The following HLCS variants were observed in gnomAD, a reference collection of about 807,000 sequenced individuals.
HLCS encodes biotin--protein ligase.
Under a neutral mutation model 75.0 loss-of-function variants are expected in HLCS, and 53 were observed. The ratio of observed to expected loss-of-function variants is 0.71; its 90% CI spans 0.57 to 0.89. The LOEUF is 0.89. Ranked by LOEUF, HLCS falls within the 40% of genes least tolerant of loss-of-function variation. The pLI is 0.00. For missense variants in HLCS, 966 were observed against 1,074.0 expected (o/e 0.90, Z 1.41); for synonymous variants, 431 against 428.6 (o/e 1.01, Z -0.07).
intron 4 of HLCS, among the ~76,000 whole-genome samples, chr21:36,932,656 T>C (rs990806606): frequency 4.6e-5 from 7 of 152,348 alleles, no homozygotes; most frequent in African/African-American, 1.7e-4. Context: ...AAAAGCAAAC[T>C]GAGCTCGTCT....
intron 6 of HLCS, among the ~76,000 whole-genome samples, chr21:36,866,840 G>T (rs997482616): frequency 2.3e-4 from 31 of 136,042 alleles, no homozygotes; most frequent in African/African-American, 7.7e-4. Context: ...AATTTGAGTA[G>T]TTTTTTTTTT....
At chr21:36,851,008 G>A (rs2062984075) in intron 6 of HLCS, among the ~76,000 whole-genome samples, 1 of 152,160 alleles carries the variant, frequency 6.6e-6, no homozygotes, top group South Asian at 2.1e-4. Context: ...GGCAGGGTGG[G>A]TTAGGAACTG....
At position 36,796,547 on chromosome 21, in the gene HLCS, G is replaced by A. The variant is rs543846388; in HGVS notation, c.1893-29262C>T. On this transcript the variant is annotated intron_variant, in intron 6 of 10. Transcript: ENST00000674895. ...TAAGCAGGGCCCACGAGAGCTGTGA[G>A]GAACCAGGACTCGGATAATCCAGGG... Among the ~76,000 whole-genome samples the A allele has an allele frequency of 7.0e-4, 107 of 152,160 alleles. 1 individual carries two copies. The highest frequency in any genetic ancestry group is 2.2e-4 in the Non-Finnish European group (15 of 68,032).
chr21:36,899,700 G>A (rs1281890619), intron 5 of HLCS, among the ~76,000 whole-genome samples: 2 of 152,180 alleles, frequency 1.3e-5, no homozygotes, highest in African/African-American at 2.4e-5. Context: ...CAAATGTTAC[G>A]GGATATCTCC....
intron 6 of HLCS, among the ~76,000 whole-genome samples, chr21:36,892,377 C>G (rs2064824294): frequency 6.6e-6 from 1 of 152,170 alleles, no homozygotes; most frequent in Non-Finnish European, 1.5e-5. Flanking sequence ...ATAGTGGCCG[C>G]CAGTGCAGGG....
At chr21:36,790,151 A>T (rs752108109) in intron 6 of HLCS, among the ~76,000 whole-genome samples, 1 of 152,200 alleles carries the variant, frequency 6.6e-6, no homozygotes, top group African/African-American at 2.4e-5. Flanking sequence ...CATGCCTATA[A>T]TCCCAGCACT....
At chr21:36,781,475 G>C (rs200920582) in intron 6 of HLCS, among the ~76,000 whole-genome samples, 1 of 151,938 alleles carries the variant, frequency 6.6e-6, no homozygotes, top group African/African-American at 2.4e-5. Context: ...ACTATCTTAC[G>C]TATTTTATCT....
chr21:36,979,297 GA>G (rs967967094), intron 1 of HLCS, among the ~76,000 whole-genome samples: 57 of 149,796 alleles, frequency 3.8e-4, no homozygotes, highest in African/African-American at 1.3e-3. Flanking sequence ...AAGAAAGAAA[GA>G]AAAAAACTAC....
intron 5 of HLCS, among the ~76,000 whole-genome samples, chr21:36,908,887 AG>A (rs1208803734): frequency 6.6e-6 from 1 of 152,174 alleles, no homozygotes; most frequent in Non-Finnish European, 1.5e-5. Flanking sequence ...GGGGTGGATG[AG>A]CGCATGAGAA....
At chr21:36,934,312 TG>T (rs1177432094) in intron 4 of HLCS, among the ~76,000 whole-genome samples, 1 of 152,206 alleles carries the variant, frequency 6.6e-6, no homozygotes, top group African/African-American at 2.4e-5. Context: ...AGACCAGGGA[TG>T]CTATTCCGCA....
At chr21:36,965,924 T>TTTTTG (rs113964165) in intron 1 of HLCS, among the ~76,000 whole-genome samples, 89,199 of 150,152 alleles carry the variant, frequency 0.59, 26,705 homozygotes, top group East Asian at 0.74. Context: ...CTAAGTGTTT[T>TTTTTG]TTTTGTTTTG....
chr21:36,833,074 G>A (rs1004400036), intron 6 of HLCS, among the ~76,000 whole-genome samples: 11 of 151,916 alleles, frequency 7.2e-5, no homozygotes, highest in Non-Finnish European at 1.3e-4. Context: ...CCAGGCTGGT[G>A]TACAGTGGCA....
chr21:36,985,896 G>C (rs755924143), intron 1 of HLCS, among the ~76,000 whole-genome samples: 1 of 152,132 alleles, frequency 6.6e-6, no homozygotes, highest in Non-Finnish European at 1.5e-5. Context: ...AATTGATGAC[G>C]CTGACTTTGT....
rs1347127602 is a variant in HLCS at position 36,815,113 on chromosome 21, G to A, written c.1893-47828C>T. On this transcript the variant is annotated intron_variant, in intron 6 of 10. Transcript: ENST00000674895. ...GCAATCTCGGCTCTCTGCAACCTCC[G>A]CCTCCTGGGTTCAAGCAATTCTCCT... Among the ~76,000 whole-genome samples the A allele has an allele frequency of 5.4e-5, 8 of 148,320 alleles. No individual in the cohort carries two copies. In the South Asian group the frequency reaches 8.7e-4, roughly 16 times the overall value.
At position 36,946,401 on chromosome 21, in the gene HLCS, C is replaced by T. The variant is rs1053080191; in HGVS notation, c.331-7407G>A. Among the ~76,000 whole-genome samples the T allele has an allele frequency of 2.6e-5, 4 of 151,948 alleles. No individual in the cohort carries two copies. The South Asian group carries it at 8.3e-4, about 32-fold the overall frequency. ...GGACGACAGGCATGCACCACTATGA[C>T]GGGCTAATTTTTGTATTTTTTGTAG... On this transcript the variant is annotated intron_variant, in intron 2 of 10. Coordinates refer to ENST00000674895, the MANE Select transcript of HLCS (RefSeq NM_001352514.2).
At chr21:36,791,742 G>A (rs570836874) in intron 6 of HLCS, among the ~76,000 whole-genome samples, 14 of 152,056 alleles carry the variant, frequency 9.2e-5, no homozygotes, top group Middle Eastern at 3.2e-3. Flanking sequence ...CGGGTGCCAC[G>A]GGGCTGCATG....
At chr21:36,989,106 T>C (rs1229838827) in intron 1 of HLCS, among the ~76,000 whole-genome samples, 1 of 151,240 alleles carries the variant, frequency 6.6e-6, no homozygotes, top group East Asian at 1.9e-4. Flanking sequence ...CCGCCATCTC[T>C]GCTGACAGCA....
At chr21:36,898,000 G>T (rs1269976704) in intron 5 of HLCS, among the ~76,000 whole-genome samples, 1 of 152,276 alleles carries the variant, frequency 6.6e-6, no homozygotes, top group East Asian at 1.9e-4. Flanking sequence ...CAAACACCAG[G>T]CCCTTTACGT....
rs1055858695 is a variant in HLCS at position 36,944,711 on chromosome 21, C to T, written c.331-5717G>A. ...GTTTCTAAATCCTGTTTTTGGGTCA[C>T]CTCCCTCCATCATCATACTTGAATG... is the stretch of plus-strand genomic sequence containing the variant. On this transcript the variant is annotated intron_variant, in intron 2 of 10. Transcript: ENST00000674895. Among the ~76,000 whole-genome samples, 5 of 152,106 alleles carry T rather than the reference C, an allele frequency of 3.3e-5. No individual in the cohort carries two copies. The South Asian group carries it at 8.3e-4, about 25-fold the overall frequency.
Sources: gnomAD v4.1 joint callset for allele counts (sites outside exome capture counted in the v4.1 genomes callset) on GRCh38, gnomAD v4.1.1 for gene constraint, MANE v1.5 for transcripts, NCBI Gene and HGNC (gene_info 2026-07-23, HGNC 2026-07-21) for gene names.